Variants in ZNF292 observed in about 807,000 individuals in gnomAD.
The protein encoded by ZNF292 is 16 zinc-finger domain protein.
ZNF292 carries 26 observed loss-of-function variants against 217.9 expected under a neutral mutation model. The observed-to-expected ratio is 0.12, with a 90% CI of 0.09 to 0.17. The LOEUF is 0.17. Among genes scored for constraint, ZNF292 ranks in the 10% least tolerant of loss-of-function variants. The pLI is 1.00. For synonymous variants in ZNF292, 1,257 were observed against 1,124.1 expected (o/e 1.12, Z -2.37); for missense variants, 2,904 against 3,175.2 (o/e 0.91, Z 2.05).
intron 1 of ZNF292, among the ~76,000 whole-genome samples, chr6:87,159,589 G>A (rs1486945259): frequency 2.0e-5 from 3 of 147,474 alleles, no homozygotes; most frequent in African/African-American, 7.6e-5. Flanking sequence ...CACAACCTCC[G>A]CCTCTTGGGT....
chr6:87,254,576 T>G (rs1353096706), intron 7 of ZNF292, 74 bp from the exon 8 acceptor site: 55 of 1,391,170 alleles, frequency 4.0e-5, no homozygotes, highest in Non-Finnish European at 4.9e-5. Context: ...AATCTCAATC[T>G]TAACTAAATT....
At chr6:87,174,811 T>C (rs1388743177) in intron 1 of ZNF292, among the ~76,000 whole-genome samples, 2 of 152,236 alleles carry the variant, frequency 1.3e-5, no homozygotes, top group African/African-American at 4.8e-5. Flanking sequence ...AGGGGAATTA[T>C]ACTTTATCAG....
intron 7 of ZNF292, among the ~76,000 whole-genome samples, chr6:87,247,293 G>GTGCA (rs57077640): frequency 0.62 from 92,952 of 148,750 alleles, 30,537 homozygotes; most frequent in African/African-American, 0.84. Context: ...GCGCACGCAC[G>GTGCA]TGCATGCATG....
At chr6:87,226,407 A>G (rs908489456) in intron 4 of ZNF292, among the ~76,000 whole-genome samples, 2 of 151,992 alleles carry the variant, frequency 1.3e-5, no homozygotes, top group Non-Finnish European at 2.9e-5. Flanking sequence ...ATATTTTAGC[A>G]GGAGAGGGGA....
chr6:87,163,166 A>G (rs1033608025), intron 1 of ZNF292, among the ~76,000 whole-genome samples: 13 of 152,118 alleles, frequency 8.5e-5, no homozygotes, highest in Admixed American at 2.0e-4. Flanking sequence ...AGTTACATAC[A>G]TAGGGCTGGG....
chr6:87,201,488 T>C (rs1312658148), intron 1 of ZNF292, among the ~76,000 whole-genome samples: 1 of 152,198 alleles, frequency 6.6e-6, no homozygotes, highest in Non-Finnish European at 1.5e-5. Context: ...CACCGCAACC[T>C]CCGCCTCCCG....
Position 87,265,523 on chromosome 6 carries a change from CTT to C in ZNF292, c.*3723_*3724del, listed in dbSNP as rs5878025. Reference sequence around the variant, plus strand: ...GCATGAGCCACCACACCCAGCCTCTCTTAAATAATTTAATGCATGTTTGCATA... The same window carrying C: ...GCATGAGCCACCACACCCAGCCTCTCAAATAATTTAATGCATGTTTGCATA... On this transcript the variant is annotated 3_prime_UTR_variant, in exon 8 of 8. Coordinates refer to ENST00000369577, the MANE Select transcript of ZNF292 (RefSeq NM_015021.3). Among the ~76,000 whole-genome samples the C allele has an allele frequency of 6.4e-3, 973 of 152,226 alleles. 15 individuals are homozygous for C. Among genetic ancestry groups the C allele is most frequent in the African/African-American group, 0.023 (936 of 41,540 alleles).
intron 7 of ZNF292, among the ~76,000 whole-genome samples, chr6:87,251,527 C>T (rs1331074540): frequency 1.3e-5 from 2 of 152,174 alleles, no homozygotes; most frequent in African/African-American, 4.8e-5. Flanking sequence ...GTTTCTGTTC[C>T]TCCTCTGAAT....
intron 4 of ZNF292, among the ~76,000 whole-genome samples, chr6:87,229,975 G>A (rs975425776): frequency 6.6e-6 from 1 of 152,120 alleles, no homozygotes; most frequent in African/African-American, 2.4e-5. Context: ...GGTTGGGTTG[G>A]GTTGGGGGAG....
chr6:87,260,020 T>C lies in ZNF292; in HGVS notation c.6391T>C (p.Leu2131=), dbSNP rs893372111. 1.2e-6 allele frequency: 2 copies of C among 1,613,510 alleles called. No individual in the cohort carries two copies. The highest frequency in any genetic ancestry group is 2.7e-5 in the African/African-American group (2 of 74,898). Residue 2131 remains leucine, a synonymous_variant, in exon 8 of 8, where the codon TTG becomes CTG. Coordinates refer to ENST00000369577, the MANE Select transcript of ZNF292 (RefSeq NM_015021.3). ...TGCTGCCTTTACGATACAGCAAAACTTGATTCTCCATTACCAGGCTGTACA... is the reference window on the plus strand; with the variant it reads ...TGCTGCCTTTACGATACAGCAAAACCTGATTCTCCATTACCAGGCTGTACA... The part of the protein sequence containing the change: ...CFAAFTIQQN[L]ILHYQAVHKS...
rs1775770872 is a variant in ZNF292 at position 87,265,145 on chromosome 6, C to T, written c.*3344C>T. Among the ~76,000 whole-genome samples the T allele has an allele frequency of 6.6e-6, 1 of 152,046 alleles. No individual in the cohort carries two copies. ...TGTTTTTTTTGGAGACAGAGTCTCG[C>T]TCTGTTGCCCAGGCTGGAGTGCAGT... On this transcript the variant is annotated 3_prime_UTR_variant, in exon 8 of 8. Transcript: ENST00000369577.
Position 87,257,411 on chromosome 6 carries a change from C to T in ZNF292, c.3782C>T (p.Pro1261Leu), listed in dbSNP as rs754970221. 6.2e-7 allele frequency: 1 copy of T among 1,613,546 alleles called. No homozygotes were observed. The highest frequency in any genetic ancestry group is 8.5e-7 in the Non-Finnish European group (1 of 1,179,734). ...LPLNIDSGSDPFLPLPAESSS... is the reference protein window; with the variant it reads ...LPLNIDSGSDLFLPLPAESSS... ...TTGAATATTGACAGTGGCTCAGATC[C>T]TTTCCTTCCTTTACCTGCAGAAAGT... Residue 1261 changes from proline to leucine, a missense_variant, in exon 8 of 8, where the codon CCT becomes CTT. Physicochemically the swap from Pro to Leu is moderately conservative, Grantham distance 98 (BLOSUM62 -3). Coordinates refer to ENST00000369577, the MANE Select transcript of ZNF292 (RefSeq NM_015021.3).
At chr6:87,221,987 A>T (rs1773106384) in intron 4 of ZNF292, among the ~76,000 whole-genome samples, 1 of 152,148 alleles carries the variant, frequency 6.6e-6, no homozygotes, top group Admixed American at 6.5e-5. Context: ...TAAAATTTTT[A>T]AAAAATAAAT....
At position 87,259,719 on chromosome 6, in the gene ZNF292, A is replaced by G. The variant is rs371644159; in HGVS notation, c.6090A>G (p.Gln2030=). 6 of 1,603,432 alleles carry G rather than the reference A, an allele frequency of 3.7e-6. No homozygotes were observed. The highest frequency in any genetic ancestry group is 1.3e-5 in the African/African-American group (1 of 74,820). The part of the protein sequence containing the change: ...QPALELRAET[Q]NTHSNVAVIP... ...CTTTAGAATTGAGAGCAGAGACCCA[A>G]AATACCCACAGTAATGTAGCAGTGA... Residue 2030 remains glutamine, a synonymous_variant, in exon 8 of 8, where the codon CAA becomes CAG. Transcript: ENST00000369577.
At chr6:87,204,380 G>A (rs1478436409) in intron 1 of ZNF292, among the ~76,000 whole-genome samples, 1 of 152,054 alleles carries the variant, frequency 6.6e-6, no homozygotes, top group Non-Finnish European at 1.5e-5. Context: ...TTGTTTGTAG[G>A]AAATACATAC....
intron 1 of ZNF292, among the ~76,000 whole-genome samples, chr6:87,186,848 G>C (rs1771676606): frequency 2.6e-5 from 4 of 152,178 alleles, no homozygotes. Flanking sequence ...CCAGTCTTTT[G>C]TTATAGTTGT....
At chr6:87,216,136 C>A in intron 2 of ZNF292, 79 bp downstream of exon 2, 1 of 723,104 alleles carries the variant, frequency 1.4e-6, no homozygotes. Flanking sequence ...CACACACACA[C>A]ACACACACAC....
chr6:87,258,492 T>C lies in ZNF292; in HGVS notation c.4863T>C (p.Asn1621=). 1.2e-6 allele frequency: 2 copies of C among 1,613,680 alleles called. No homozygotes were observed. Among genetic ancestry groups the C allele is most frequent in the Non-Finnish European group, 8.5e-7 (1 of 1,179,760 alleles). Residue 1621 remains asparagine, a synonymous_variant, in exon 8 of 8, where the codon AAT becomes AAC. Coordinates refer to ENST00000369577, the MANE Select transcript of ZNF292 (RefSeq NM_015021.3). ...GPQNTRSSHL[N]KKGNSASKRR... is the part of the protein sequence containing the mutation. Reference sequence around the variant, plus strand: ...AGAACACAAGATCCAGTCATTTAAATAAAAAGGGAAACAGTGCTTCTAAGA... The same window carrying C: ...AGAACACAAGATCCAGTCATTTAAACAAAAAGGGAAACAGTGCTTCTAAGA...
chr6:87,225,928 G>A (rs2096698082), intron 4 of ZNF292, among the ~76,000 whole-genome samples: 1 of 152,180 alleles, frequency 6.6e-6, no homozygotes, highest in Admixed American at 6.5e-5. Flanking sequence ...TTTTTGGTGA[G>A]TTAGGTGTCA....
Sources: gnomAD v4.1 joint callset for allele counts (sites outside exome capture counted in the v4.1 genomes callset) on GRCh38, gnomAD v4.1.1 for gene constraint, MANE v1.5 for transcripts, NCBI Gene and HGNC (gene_info 2026-07-23, HGNC 2026-07-21) for gene names.